MYLK: variants seen among roughly 807,000 people sequenced by gnomAD.
MYLK encodes the protein myosin light chain kinase.
MYLK carries 106 observed loss-of-function variants against 203.4 expected under a neutral mutation model. The ratio of observed to expected loss-of-function variants is 0.52; its 90% CI spans 0.45 to 0.61. The LOEUF is 0.61. MYLK is among the 20% of genes least tolerant of loss of function. The probability of loss-of-function intolerance (pLI) is 0.00; values close to 1 mark genes in which losing one functional copy is unlikely to be tolerated. For missense variants in MYLK, 2,072 were observed against 2,442.3 expected, an observed-to-expected ratio of 0.85 and a Z score of 3.20; for synonymous variants, 867 against 959.5, an observed-to-expected ratio of 0.90 and a Z score of 1.78.
At chr3:123,633,571 G>A (rs2058521078) in intron 29 of MYLK, among the ~76,000 whole-genome samples, 2 of 152,184 alleles carry the variant, frequency 1.3e-5, no homozygotes, top group Non-Finnish European at 2.9e-5. Context: ...GTCTGGGCAA[G>A]TCCTTGGATG....
At chr3:123,776,530 G>A (rs2064084802) in intron 4 of MYLK, among the ~76,000 whole-genome samples, 1 of 152,128 alleles carries the variant, frequency 6.6e-6, no homozygotes, top group Non-Finnish European at 1.5e-5. Flanking sequence ...AAACCATCAA[G>A]ATAACTGCCA....
At chr3:123,721,070 C>G (rs1487965298) in intron 13 of MYLK, among the ~76,000 whole-genome samples, 2 of 152,214 alleles carry the variant, frequency 1.3e-5, no homozygotes, top group African/African-American at 2.4e-5. Context: ...ATCCTTGTCC[C>G]CTAGGCTACT....
intron 2 of MYLK, among the ~76,000 whole-genome samples, chr3:123,850,102 C>T (rs2030581222): frequency 2.0e-5 from 3 of 152,146 alleles, no homozygotes; most frequent in Admixed American, 2.0e-4. Flanking sequence ...CATAGTATTC[C>T]ATGGTGTATA....
intron 13 of MYLK, among the ~76,000 whole-genome samples, chr3:123,716,574 C>T (rs2061902267): frequency 6.6e-6 from 1 of 152,224 alleles, no homozygotes; most frequent in Admixed American, 6.5e-5. Context: ...AAACCACAGC[C>T]TTTCCACTGT....
chr3:123,850,824 C>G (rs1357113634), intron 2 of MYLK, among the ~76,000 whole-genome samples: 3 of 152,176 alleles, frequency 2.0e-5, no homozygotes, highest in Non-Finnish European at 2.9e-5. Context: ...TTACCCAGGC[C>G]TATGTCCTGA....
chr3:123,813,516 C>CTCTT (rs372645931), intron 3 of MYLK, among the ~76,000 whole-genome samples: 100 of 146,360 alleles, frequency 6.8e-4, no homozygotes, highest in African/African-American at 2.4e-3. Flanking sequence ...CTCTCTCTCT[C>CTCTT]TTTTTTTTTT....
intron 29 of MYLK, among the ~76,000 whole-genome samples, chr3:123,633,620 G>A (rs1427315666): frequency 2.0e-5 from 3 of 152,184 alleles, no homozygotes; most frequent in African/African-American, 7.2e-5. Context: ...AGTACAGCCA[G>A]ACTCTACATG....
chr3:123,653,959 C>T (rs2059302991), intron 24 of MYLK, among the ~76,000 whole-genome samples: 1 of 150,724 alleles, frequency 6.6e-6, no homozygotes, highest in Non-Finnish European at 1.5e-5. Flanking sequence ...TCTATGCAGC[C>T]CCCACTCTGC....
intron 24 of MYLK, among the ~76,000 whole-genome samples, chr3:123,654,485 G>C (rs551138065): frequency 2.0e-5 from 3 of 151,998 alleles, no homozygotes; most frequent in African/African-American, 7.2e-5. Flanking sequence ...TGCCTCACTT[G>C]ATTTCTAATT....
intron 2 of MYLK, among the ~76,000 whole-genome samples, chr3:123,857,574 A>G (rs1043555186): frequency 6.8e-6 from 1 of 147,924 alleles, no homozygotes; most frequent in African/African-American, 2.5e-5. Context: ...GCATATTCTC[A>G]CTCATAGGTG....
At chr3:123,779,566 C>G (rs1197037251) in intron 4 of MYLK, among the ~76,000 whole-genome samples, 3 of 152,188 alleles carry the variant, frequency 2.0e-5, no homozygotes, top group Non-Finnish European at 4.4e-5. Flanking sequence ...TCTGCCTGCC[C>G]CCACCTCGTC....
At chr3:123,748,634 T>C (rs1430528073) in intron 5 of MYLK, among the ~76,000 whole-genome samples, 2 of 152,166 alleles carry the variant, frequency 1.3e-5, no homozygotes, top group Non-Finnish European at 2.9e-5. Context: ...CGCTTATACA[T>C]TGAAATGGTA....
In MYLK at chr3:123,754,907, T is replaced by C. The variant is rs146041984; in HGVS notation, c.166-2369A>G. ...AAAAGAGCCATGCAAATAAATGTTA[T>C]GCATGTTTAAAGGTGACAGATGTCA... On this transcript the variant is annotated intron_variant, in intron 4 of 33. Transcript: ENST00000360304. 1.9e-3 allele frequency among the ~76,000 whole-genome samples: 296 copies of C among 152,342 alleles called. 2 individuals carry two copies. Among genetic ancestry groups the C allele is most frequent in the African/African-American group, 6.8e-3 (281 of 41,576 alleles).
intron 2 of MYLK, among the ~76,000 whole-genome samples, chr3:123,865,538 A>G (rs1223928137): frequency 2.6e-5 from 4 of 152,218 alleles, no homozygotes; most frequent in Non-Finnish European, 5.9e-5. Flanking sequence ...CTTGCTTAGT[A>G]CTTATTGTGT....
intron 27 of MYLK, among the ~76,000 whole-genome samples, chr3:123,643,056 C>A (rs79169232): frequency 6.6e-6 from 1 of 152,170 alleles, no homozygotes; most frequent in Non-Finnish European, 1.5e-5. Context: ...CTGAAATTCA[C>A]GCCCTCTGAA....
Position 123,700,595 on chromosome 3 carries a change from G to A in MYLK, c.2873C>T (p.Ala958Val). ...GGGGGTCTTGGAAGTCCCCTTCTTG[G>A]CCAGGACAGAGCGAAAATCGACCTG... ...PQQVDFRSVL[A>V]KKGTSKTPVP... The change falls in exon 18 of 34, where the codon GCC (alanine) becomes GTC (valine). Residue 958 changes from alanine (A) to valine (V), a missense_variant. Ala to Val is a moderately conservative substitution (Grantham distance 64). Transcript: ENST00000360304. 1 of 1,613,722 alleles carries A rather than the reference G, an allele frequency of 6.2e-7. No individual in the cohort carries two copies. Among genetic ancestry groups the A allele is most frequent in the Non-Finnish European group, 8.5e-7 (1 of 1,180,020 alleles).
chr3:123,649,750 AC>A, intron 24 of MYLK, among the ~76,000 whole-genome samples: 1 of 152,330 alleles, frequency 6.6e-6, no homozygotes, highest in East Asian at 1.9e-4. Context: ...AAACATATAT[AC>A]TTGAAGTAAC....
intron 2 of MYLK, among the ~76,000 whole-genome samples, chr3:123,844,261 C>A (rs1032342239): frequency 6.6e-6 from 1 of 152,112 alleles, no homozygotes; most frequent in Non-Finnish European, 1.5e-5. Context: ...GTAGGAGGAG[C>A]AGGAAGCCAA....
At chr3:123,859,128 CAG>C (rs1351392549) in intron 2 of MYLK, among the ~76,000 whole-genome samples, 5 of 152,056 alleles carry the variant, frequency 3.3e-5, no homozygotes. Flanking sequence ...CTGTAAAAAA[CAG>C]GGAAAAATTA....
Sources: allele counts gnomAD v4.1 joint callset (sites outside exome capture counted in the v4.1 genomes callset), GRCh38; gene constraint gnomAD v4.1.1; transcripts MANE v1.5; gene names NCBI Gene and HGNC (gene_info 2026-07-23, HGNC 2026-07-21).